ABR: variants seen among roughly 807,000 people sequenced by gnomAD.
ABR encodes active breakpoint cluster region-related protein.
In ABR, 35 loss-of-function variants were observed where a neutral mutation model predicts 107.2. The ratio of observed to expected loss-of-function variants is 0.33; its 90% confidence interval spans 0.25 to 0.43. The LOEUF is 0.43. Ranked by LOEUF, ABR falls within the 20% of genes least tolerant of loss-of-function variation. The pLI is 1.00. For synonymous variants in ABR, 498 were observed against 462.0 expected (o/e 1.08, Z -1.00); for missense variants, 815 against 1,115.2 (o/e 0.73, Z 3.83).
chr17:1,050,504 G>A lies in ABR; in HGVS notation c.1659+33C>T. Reference sequence around the variant, plus strand: ...CAAGCCACGAGCACGGGGTGGTGGGGTCCCCACAGAGATGCCAGCCCCTGC... The same window carrying A: ...CAAGCCACGAGCACGGGGTGGTGGGATCCCCACAGAGATGCCAGCCCCTGC... On this transcript the variant is annotated intron_variant, in intron 15 of 22. Coordinates refer to ENST00000302538, the MANE Select transcript of ABR (RefSeq NM_021962.5). This position sits in a 1 kb window ranked among gnomAD's most constrained non-coding sequence, Gnocchi z 4.6. The A allele has an allele frequency of 6.3e-7, 1 of 1,591,390 alleles. No homozygotes were observed. The highest frequency in any genetic ancestry group is 8.6e-7 in the Non-Finnish European group (1 of 1,159,892).
At chr17:1,195,166 G>T in intron 1 of ABR, among the ~76,000 whole-genome samples, 1 of 148,670 alleles carries the variant, frequency 6.7e-6, no homozygotes, top group Non-Finnish European at 1.5e-5. Context: ...AATTAGCCGG[G>T]CGCAGTGGCG....
intron 1 of ABR, among the ~76,000 whole-genome samples, chr17:1,203,310 G>A (rs2042707804): frequency 7.0e-6 from 1 of 142,912 alleles, no homozygotes; most frequent in Non-Finnish European, 1.5e-5. Context: ...CCCGGCTCGT[G>A]GGGGCGGAGT....
At chr17:1,032,435 C>G (rs1364721572) in intron 16 of ABR, among the ~76,000 whole-genome samples, 1 of 152,276 alleles carries the variant, frequency 6.6e-6, no homozygotes, top group South Asian at 2.1e-4. Context: ...AGCAAAAGCC[C>G]GAAACGACGC....
In ABR at chr17:1,011,880, C is replaced by A; in HGVS notation, c.2067G>T (p.Thr689=). 6.3e-7 allele frequency: 1 copy of A among 1,598,714 alleles called. No individual in the cohort carries two copies. The highest frequency in any genetic ancestry group is 8.6e-7 in the Non-Finnish European group (1 of 1,168,912). ...AGACGGCCTTGAGCGCCTGGATGTC[C>A]GTGGCCACGCCCGATATCCTGTAGA... ...VGIYRISGVA[T]DIQALKAVFD... is the part of the protein sequence containing the mutation. Residue 689 remains threonine (T), a synonymous_variant, in exon 19 of 23, where the codon ACG becomes ACT. Transcript: ENST00000302538. This position sits in a 1 kb window ranked among gnomAD's most constrained non-coding sequence, Gnocchi z 4.8.
chr17:1,045,443 A>G (rs902218222), intron 16 of ABR, among the ~76,000 whole-genome samples: 1 of 151,450 alleles, frequency 6.6e-6, no homozygotes, highest in Admixed American at 6.6e-5. Flanking sequence ...TTCTTACAGC[A>G]GGACAATCTT....
intron 18 of ABR, chr17:1,012,368 G>A (rs188827793): frequency 6.4e-5 from 42 of 652,492 alleles, no homozygotes; most frequent in Admixed American, 3.3e-4. Context: ...GCCCTTTCCC[G>A]AGGGGCCGCC....
intron 1 of ABR, among the ~76,000 whole-genome samples, chr17:1,216,327 A>G (rs1283622339): frequency 6.6e-6 from 1 of 152,174 alleles, no homozygotes; most frequent in Non-Finnish European, 1.5e-5. Context: ...CGGGGCCCAC[A>G]GGGGCTGTGT....
chr17:1,109,174 C>G, intron 2 of ABR: 1 of 1,373,592 alleles, frequency 7.3e-7, no homozygotes, highest in Non-Finnish European at 9.6e-7. Context: ...GGTCTACACC[C>G]GCGCGCCCGG....
At chr17:1,060,808 C>T (rs187026671) in intron 10 of ABR, among the ~76,000 whole-genome samples, 5 of 151,878 alleles carry the variant, frequency 3.3e-5, no homozygotes, top group East Asian at 3.9e-4. Context: ...CTGGCTAACA[C>T]GGTGAAACCC....
intron 16 of ABR, 113 bp from the exon 17 acceptor site, chr17:1,013,277 A>G: frequency 9.6e-7 from 1 of 1,043,952 alleles, no homozygotes; most frequent in Non-Finnish European, 1.5e-6. Context: ...GGCGGAAGTG[A>G]GCAGCTGGGA....
intron 1 of ABR, among the ~76,000 whole-genome samples, chr17:1,132,236 TACAC>T (rs2039876911): frequency 6.7e-6 from 1 of 149,832 alleles, no homozygotes; most frequent in African/African-American, 2.4e-5. Flanking sequence ...CACACACACA[TACAC>T]ATATATATAT....
intron 1 of ABR, among the ~76,000 whole-genome samples, chr17:1,204,874 CT>C (rs1385461075): frequency 6.8e-6 from 1 of 147,916 alleles, no homozygotes; most frequent in Non-Finnish European, 1.5e-5. Context: ...TTCTCAGAAC[CT>C]CTTTTTTTCT....
chr17:1,011,214 C>A lies in ABR; in HGVS notation c.2102-351G>T. ...AAGCCCCTCTCTGGAAGGCATTGCA[C>A]ACTTTTCACACGTAAAAGCATGTTC... On this transcript the variant is annotated intron_variant, in intron 19 of 22. Coordinates refer to ENST00000302538, the MANE Select transcript of ABR (RefSeq NM_021962.5). This position sits in a 1 kb window ranked among gnomAD's most constrained non-coding sequence, Gnocchi z 4.8. The A allele has an allele frequency of 3.5e-6, 1 of 283,230 alleles. No individual in the cohort carries two copies. Among genetic ancestry groups the A allele is most frequent in the South Asian group, 4.1e-5 (1 of 24,534 alleles). 17.5% of individuals were successfully genotyped at this position (283,230 alleles called of 1,614,324 possible).
chr17:1,004,818 G>A lies in ABR; in HGVS notation c.*1262C>T, dbSNP rs333642. On this transcript the variant is annotated 3_prime_UTR_variant, in exon 23 of 23. Transcript: ENST00000302538. The stretch of plus-strand genomic sequence containing the variant: ...AAAGGCTGTATCCAGAAGCTGGGGC[G>A]GCACCACAATGGCTGGCCACCGTGG... 40 of 387,550 alleles carry A rather than the reference G, an allele frequency of 1.0e-4. No homozygotes were observed. Among genetic ancestry groups the A allele is most frequent in the African/African-American group, 4.9e-4 (24 of 48,552 alleles). The allele number at this position is 387,550 out of a possible 1,614,324, so 24.0% of individuals were successfully genotyped here.
At chr17:1,022,881 G>A (rs2586252) in intron 16 of ABR, among the ~76,000 whole-genome samples, 68,959 of 152,184 alleles carry the variant, frequency 0.45, 17,740 homozygotes, top group African/African-American at 0.69. Flanking sequence ...AGCCTCATGG[G>A]AGGAAGGGGA....
chr17:1,111,332 T>G (rs2038664598), intron 2 of ABR, among the ~76,000 whole-genome samples: 1 of 152,092 alleles, frequency 6.6e-6, no homozygotes, highest in African/African-American at 2.4e-5. Context: ...CTGTCCCCGG[T>G]GGCTGGAAAT....
intron 1 of ABR, among the ~76,000 whole-genome samples, chr17:1,135,003 A>G (rs925095915): frequency 1.4e-4 from 21 of 152,234 alleles, no homozygotes; most frequent in Non-Finnish European, 1.5e-4. Flanking sequence ...CACCCAATCC[A>G]TCTCAGCTGC....
intron 16 of ABR, among the ~76,000 whole-genome samples, chr17:1,013,761 T>C (rs1028427447): frequency 2.0e-5 from 3 of 152,154 alleles, no homozygotes; most frequent in Admixed American, 6.5e-5. Context: ...GGGAGAAAAC[T>C]TGGGTCAAGC....
At chr17:1,215,517 G>A (rs147282229) in intron 1 of ABR, among the ~76,000 whole-genome samples, 14 of 152,188 alleles carry the variant, frequency 9.2e-5, no homozygotes, top group Non-Finnish European at 1.5e-4. Flanking sequence ...CCGGGATTGC[G>A]GACGGAGTCT....
Sources: gnomAD v4.1 joint callset for allele counts (sites outside exome capture counted in the v4.1 genomes callset) on GRCh38, gnomAD v4.1.1 for gene constraint, Gnocchi (gnomAD v3.1) non-coding constraint, MANE v1.5 for transcripts, NCBI Gene and HGNC (gene_info 2026-07-23, HGNC 2026-07-21) for gene names.